Variants in SERPINA6 observed in about 807,000 individuals in gnomAD.
SERPINA6 encodes the protein corticosteroid-binding globulin.
A neutral mutation model predicts 26.4 loss-of-function variants in SERPINA6; 19 were observed. The observed-to-expected ratio is 0.72, with a 90% CI of 0.50 to 1.06. The LOEUF is 1.06. SERPINA6 is among the 50% of genes least tolerant of loss of function. The pLI, the probability that SERPINA6 is intolerant of heterozygous loss-of-function variation, is 0.00. For synonymous variants in SERPINA6, 196 were observed against 199.4 expected (o/e 0.98, Z 0.14); for missense variants, 473 against 504.0 (o/e 0.94, Z 0.59).
rs773304472 is a variant in SERPINA6 at position 94,313,906 on chromosome 14, G to A, written c.613+130C>T. The A allele has an allele frequency of 1.0e-5, 10 of 977,330 alleles. No individual in the cohort carries two copies. The African/African-American group carries it at 1.4e-4, about 14-fold the overall frequency. The allele number at this position is 977,330 out of a possible 1,614,324, so 60.5% of individuals were successfully genotyped here. ...ACCTACCCAGCAGGATTGTGGTGAA[G>A]ATGGAGATTCCCAGATGTGTATGTG... On this transcript the variant is annotated intron_variant, in intron 2 of 4. Transcript: ENST00000341584.
At position 94,306,086 on chromosome 14, in the gene SERPINA6, C is replaced by G; in HGVS notation, c.1017G>C (p.Gln339His). The G allele has an allele frequency of 6.2e-7, 1 of 1,614,210 alleles. No individual in the cohort carries two copies. The highest frequency in any genetic ancestry group is 8.5e-7 in the Non-Finnish European group (1 of 1,180,038). ...TGACATTTACCTTTGATGACTTCAG[C>G]TGGGCGTCCTGGGTGATGCGTGAGA... ...ANFSRITQDAQLKSSKVVHKA... is the reference protein window; with the variant it reads ...ANFSRITQDAHLKSSKVVHKA... The change falls in exon 4 of 5, where the codon CAG becomes CAC. Residue 339 changes from glutamine (Q) to histidine (H), a missense_variant. Gln to His is a conservative substitution (Grantham distance 24, BLOSUM62 0). Coordinates refer to ENST00000341584, the MANE Select transcript of SERPINA6 (RefSeq NM_001756.4).
intron 1 of SERPINA6, among the ~76,000 whole-genome samples, chr14:94,316,461 T>C (rs7154770): frequency 0.18 from 26,901 of 152,220 alleles, 2,545 homozygotes; most frequent in Non-Finnish European, 0.22. Context: ...GATATTGAAG[T>C]GTCTAAATTG....
At chr14:94,319,722 A>G (rs1264018164) in intron 1 of SERPINA6, among the ~76,000 whole-genome samples, 3 of 152,232 alleles carry the variant, frequency 2.0e-5, no homozygotes, top group South Asian at 4.1e-4. Flanking sequence ...AAGGACAAAT[A>G]GAGTCTAATT....
intron 2 of SERPINA6, among the ~76,000 whole-genome samples, chr14:94,312,400 A>T (rs1378509599): frequency 6.6e-6 from 1 of 152,110 alleles, no homozygotes; most frequent in Admixed American, 6.5e-5. Context: ...CCTTTTCCCC[A>T]GGTTGTGTTG....
chr14:94,321,691 G>T (rs1437994283), intron 1 of SERPINA6, among the ~76,000 whole-genome samples: 1 of 152,198 alleles, frequency 6.6e-6, no homozygotes, highest in Non-Finnish European at 1.5e-5. Flanking sequence ...TCATCTCCCT[G>T]CCTCATCTGG....
chr14:94,304,857 T>C (rs1043670342), intron 4 of SERPINA6, among the ~76,000 whole-genome samples: 1 of 152,128 alleles, frequency 6.6e-6, no homozygotes, highest in Non-Finnish European at 1.5e-5. Context: ...AGATTAGAAG[T>C]CTCATGGCTT....
At position 94,304,343 on chromosome 14, in the gene SERPINA6, C is replaced by T. The variant is rs1292528418; in HGVS notation, c.*75G>A. 1.8e-5 allele frequency: 26 copies of T among 1,464,982 alleles called. No homozygotes were observed. The highest frequency in any genetic ancestry group is 5.0e-5 in the Admixed American group (3 of 59,810). The allele number at this position is 1,464,982 out of a possible 1,614,324, so 90.7% of individuals were successfully genotyped here. A position where few individuals can be genotyped will look rare whatever the true frequency, so the allele number is the denominator to read the frequency against. The stretch of plus-strand genomic sequence containing the variant: ...TTGGAGGAGATTGGGGGAAACCTCC[C>T]GCTCTCCAAAACATTTCTGTGGGAT... On this transcript the variant is annotated 3_prime_UTR_variant, in exon 5 of 5. Transcript: ENST00000341584.
chr14:94,316,618 G>A (rs1895618424), intron 1 of SERPINA6, among the ~76,000 whole-genome samples: 1 of 152,182 alleles, frequency 6.6e-6, no homozygotes, highest in Non-Finnish European at 1.5e-5. Context: ...ATTCATGGGG[G>A]CTCTACCCTC....
At chr14:94,314,810 AG>A in intron 1 of SERPINA6, 143 bp from the exon 2 acceptor site, 1 of 743,682 alleles carries the variant, frequency 1.3e-6, no homozygotes, top group South Asian at 1.6e-5. Context: ...CACATCACAG[AG>A]GGCGCTGGAC....
At chr14:94,320,362 C>G (rs1421531179) in intron 1 of SERPINA6, among the ~76,000 whole-genome samples, 2 of 152,230 alleles carry the variant, frequency 1.3e-5, no homozygotes, top group African/African-American at 4.8e-5. Flanking sequence ...GTAACCAAGT[C>G]TCAGCCAATC....
intron 2 of SERPINA6, among the ~76,000 whole-genome samples, chr14:94,311,566 G>A (rs1895530037): frequency 6.6e-6 from 1 of 152,072 alleles, no homozygotes; most frequent in South Asian, 2.1e-4. Context: ...ATCTGAGAGA[G>A]CAAGGATGGC....
At position 94,304,435 on chromosome 14, in the gene SERPINA6, C is replaced by A. The variant is rs773510193; in HGVS notation, c.1201G>T (p.Val401Phe). The A allele has an allele frequency of 3.1e-6, 5 of 1,614,050 alleles. No individual in the cohort carries two copies. Among genetic ancestry groups the A allele is most frequent in the Admixed American group, 1.7e-5 (1 of 60,006 alleles). The change falls in exon 5 of 5, where the codon GTT (valine) becomes TTT (phenylalanine). Residue 401 changes from valine to phenylalanine, a missense_variant. Transcript: ENST00000341584. ...FTWSSLFLAR[V>F]MNPV The stretch of plus-strand genomic sequence containing the variant: ...GTGGTCTCTTACACTGGGTTCATAA[C>A]CCTCGCCAGGAAAAGGCTGCTCCAG...
At chr14:94,306,549 C>T (rs72704335) in intron 3 of SERPINA6, among the ~76,000 whole-genome samples, 2,146 of 152,302 alleles carry the variant, frequency 0.014, 26 homozygotes, top group South Asian at 0.041. Flanking sequence ...CTTTTTAGTC[C>T]CAGGAGAACC....
chr14:94,316,596 A>T lies in SERPINA6; in HGVS notation c.-19-1929T>A, dbSNP rs79728450. Among the ~76,000 whole-genome samples, 794 of 152,340 alleles carry T rather than the reference A, an allele frequency of 5.2e-3. 4 individuals are homozygous for T. The highest frequency in any genetic ancestry group is 7.3e-3 in the Non-Finnish European group (494 of 68,024). ...AATGTTTGTGTCCCCACAAATTCATATGTGGAAACCTATTCATGGGGGCTC... is the reference window on the plus strand; with the variant it reads ...AATGTTTGTGTCCCCACAAATTCATTTGTGGAAACCTATTCATGGGGGCTC... On this transcript the variant is annotated intron_variant, in intron 1 of 4. Coordinates refer to ENST00000341584, the MANE Select transcript of SERPINA6 (RefSeq NM_001756.4).
chr14:94,312,759 A>C (rs1049871386), intron 2 of SERPINA6, among the ~76,000 whole-genome samples: 1 of 152,020 alleles, frequency 6.6e-6, no homozygotes, highest in African/African-American at 2.4e-5. Flanking sequence ...AGAGATGCTA[A>C]GGCAGTCCAG....
intron 1 of SERPINA6, among the ~76,000 whole-genome samples, chr14:94,316,816 C>A (rs7158343): frequency 1.3e-5 from 2 of 152,148 alleles, no homozygotes; most frequent in Non-Finnish European, 2.9e-5. Context: ...TGTCCCTGAG[C>A]TGGACATCTG....
chr14:94,317,914 G>A (rs1895634060), intron 1 of SERPINA6, among the ~76,000 whole-genome samples: 2 of 152,160 alleles, frequency 1.3e-5, no homozygotes, highest in South Asian at 2.1e-4. Context: ...AATTGTCTGT[G>A]TTCACAGATG....
intron 3 of SERPINA6, among the ~76,000 whole-genome samples, chr14:94,309,176 T>C (rs1895486881): frequency 1.3e-5 from 2 of 152,250 alleles, no homozygotes; most frequent in South Asian, 4.1e-4. Flanking sequence ...CCTTGCTTTC[T>C]TTCTACTTAC....
chr14:94,305,989 G>T, intron 4 of SERPINA6, 82 bp downstream of exon 4: 1 of 1,536,818 alleles, frequency 6.5e-7, no homozygotes, highest in Non-Finnish European at 9.0e-7. Flanking sequence ...ATTCATGAAC[G>T]AACTCAGTGC....
Sources: allele counts gnomAD v4.1 joint callset (sites outside exome capture counted in the v4.1 genomes callset), GRCh38; gene constraint gnomAD v4.1.1; transcripts MANE v1.5; gene names NCBI Gene and HGNC (gene_info 2026-07-23, HGNC 2026-07-21).